Variants in TENM3 observed in about 807,000 individuals in gnomAD.
The protein encoded by TENM3 is teneurin transmembrane protein 3.
TENM3 carries 63 observed loss-of-function variants against 255.1 expected under a neutral mutation model. The observed-to-expected ratio is 0.25, with a 90% CI of 0.20 to 0.30. The LOEUF is 0.30. Among genes scored for constraint, TENM3 ranks in the 10% least tolerant of loss-of-function variants. TENM3 has a pLI of 1.00. For missense variants in TENM3, 2,929 were observed against 3,461.1 expected, an observed-to-expected ratio of 0.85 and a Z score of 3.86; for synonymous variants, 1,306 against 1,322.3, an observed-to-expected ratio of 0.99 and a Z score of 0.27.
At chr4:182,314,281 A>C (rs1405411020) in intron 1 of TENM3, among the ~76,000 whole-genome samples, 1 of 151,900 alleles carries the variant, frequency 6.6e-6, no homozygotes, top group African/African-American at 2.4e-5. Context: ...AGCCTGGGCG[A>C]CAGAGCGAGA....
chr4:182,203,336 G>A (rs1371145609), intron 1 of TENM3, among the ~76,000 whole-genome samples: 1 of 152,182 alleles, frequency 6.6e-6, no homozygotes, highest in Non-Finnish European at 1.5e-5. Flanking sequence ...CCACAGGTAG[G>A]TAGCGTGGTA....
At chr4:181,807,163 C>G in the TENM3 span, among the ~76,000 whole-genome samples, 1 of 152,176 alleles carries the variant, frequency 6.6e-6, no homozygotes, top group Admixed American at 6.5e-5. Flanking sequence ...AAGCATGTAT[C>G]TTTCCTCTTA....
intron 12 of TENM3, chr4:182,707,712 G>C (rs1022249250): frequency 1.1e-4 from 16 of 152,192 alleles, no homozygotes; most frequent in African/African-American, 3.9e-4. Flanking sequence ...CCAGCAAGTA[G>C]ACCAAGGACC....
the TENM3 span, among the ~76,000 whole-genome samples, chr4:181,576,989 A>T: frequency 7.7e-6 from 1 of 129,864 alleles, no homozygotes; most frequent in African/African-American, 2.9e-5. Flanking sequence ...AATATTATAT[A>T]TATTATATAT....
chr4:181,689,993 C>A, the TENM3 span, among the ~76,000 whole-genome samples: 8 of 152,034 alleles, frequency 5.3e-5, no homozygotes, highest in Non-Finnish European at 8.8e-5. Context: ...TGCAGGGGTG[C>A]GGTTTCAATT....
At chr4:181,728,679 TTTA>T in the TENM3 span, among the ~76,000 whole-genome samples, 1 of 152,192 alleles carries the variant, frequency 6.6e-6, no homozygotes, top group Non-Finnish European at 1.5e-5. Context: ...GGCCAGCTTC[TTTA>T]CTGCAAGCTG....
chr4:181,472,471 G>GC, the TENM3 span, among the ~76,000 whole-genome samples: 1 of 146,864 alleles, frequency 6.8e-6, no homozygotes, highest in Non-Finnish European at 1.5e-5. Flanking sequence ...CCCCCAAAAG[G>GC]CCCCCTGCCA....
chr4:182,327,236 C>A (rs957053), intron 2 of TENM3, among the ~76,000 whole-genome samples: 67,668 of 151,972 alleles, frequency 0.45, 15,277 homozygotes, highest in East Asian at 0.5. Flanking sequence ...TCATATAGGT[C>A]ATAAAAATGA....
At chr4:182,550,755 A>G in intron 3 of TENM3, among the ~76,000 whole-genome samples, 1 of 152,178 alleles carries the variant, frequency 6.6e-6, no homozygotes. Context: ...TTTTAACCTC[A>G]ATACTTAATA....
chr4:182,319,831 G>A (rs6850338), intron 1 of TENM3, among the ~76,000 whole-genome samples: 4,276 of 152,274 alleles, frequency 0.028, 197 homozygotes, highest in African/African-American at 0.097. Flanking sequence ...TCCAAATGGG[G>A]CCGGGCACTG....
chr4:182,703,553 C>T (rs1758050016), intron 12 of TENM3, among the ~76,000 whole-genome samples: 1 of 152,186 alleles, frequency 6.6e-6, no homozygotes, highest in African/African-American at 2.4e-5. Context: ...TGAGAAAAGG[C>T]TGAGAAAAGT....
the TENM3 span, among the ~76,000 whole-genome samples, chr4:181,904,350 G>A: frequency 7.2e-5 from 11 of 152,084 alleles, 1 homozygote; most frequent in East Asian, 7.8e-4. Context: ...TAACTTACAA[G>A]ATTAAAATAT....
the TENM3 span, among the ~76,000 whole-genome samples, chr4:181,781,252 G>A: frequency 3.3e-5 from 5 of 152,170 alleles, no homozygotes; most frequent in Non-Finnish European, 7.3e-5. Flanking sequence ...TCCTATCCGT[G>A]AGCATGGAAT....
chr4:182,735,056 T>A (rs764784464), intron 16 of TENM3, among the ~76,000 whole-genome samples: 1 of 152,204 alleles, frequency 6.6e-6, no homozygotes, highest in Non-Finnish European at 1.5e-5. Context: ...TTTCACTGAT[T>A]ATGGGAGAAC....
intron 3 of TENM3, among the ~76,000 whole-genome samples, chr4:182,553,429 A>G (rs1320679823): frequency 6.6e-5 from 10 of 151,692 alleles, no homozygotes; most frequent in Non-Finnish European, 1.3e-4. Context: ...ACCTAATGCT[A>G]CATGACGAGT....
the TENM3 span, among the ~76,000 whole-genome samples, chr4:181,839,384 T>TATATATATACACAC: frequency 2.9e-4 from 24 of 83,456 alleles, no homozygotes; most frequent in East Asian, 1.7e-3. Flanking sequence ...TATATATATA[T>TATATATATACACAC]ACACCTATAT....
At chr4:182,334,729 A>G (rs1180697205) in intron 2 of TENM3, among the ~76,000 whole-genome samples, 2 of 152,228 alleles carry the variant, frequency 1.3e-5, no homozygotes, top group African/African-American at 4.8e-5. Context: ...TGCTGGCACA[A>G]CTGGTTATCC....
At chr4:181,519,393 T>G in the TENM3 span, among the ~76,000 whole-genome samples, 2 of 152,216 alleles carry the variant, frequency 1.3e-5, no homozygotes, top group Admixed American at 6.5e-5. Context: ...GTTGTAGCTA[T>G]TCTCATAATT....
At chr4:181,984,791 T>C in the TENM3 span, among the ~76,000 whole-genome samples, 1 of 5,130 alleles carries the variant, frequency 1.9e-4, no homozygotes, top group Non-Finnish European at 4.7e-4. Context: ...AAAAGAGTCG[T>C]GTGTGTGTGT....
Sources: gnomAD v4.1 joint callset for allele counts (sites outside exome capture counted in the v4.1 genomes callset) on GRCh38, gnomAD v4.1.1 for gene constraint, MANE v1.5 for transcripts, NCBI Gene and HGNC (gene_info 2026-07-23, HGNC 2026-07-21) for gene names.